Variants in AVPI1 observed in about 807,000 individuals in gnomAD.
AVPI1 encodes the protein arginine vasopressin-induced protein 1.
A neutral mutation model predicts 11.9 loss-of-function variants in AVPI1; 9 were observed. That is an observed-to-expected ratio of 0.76 (90% CI 0.46 to 1.32). The LOEUF (loss-of-function observed/expected upper bound fraction) is 1.32. AVPI1 is among the 40% of genes most tolerant of loss of function. AVPI1 has a pLI of 0.00. For missense variants in AVPI1, 207 were observed against 195.8 expected, an observed-to-expected ratio of 1.06 and a Z score of -0.34; for synonymous variants, 68 against 78.1, an observed-to-expected ratio of 0.87 and a Z score of 0.68.
chr10:97,681,707 C>G (rs1269371329), intron 1 of AVPI1, among the ~76,000 whole-genome samples: 1 of 143,812 alleles, frequency 7.0e-6, no homozygotes, highest in Non-Finnish European at 1.6e-5. Context: ...GAAACCCCGT[C>G]TCTACTAAAA....
Position 97,678,962 on chromosome 10 carries a change from T to TCA in AVPI1, c.287+656_287+657insTG, listed in dbSNP as rs756233781. On this transcript the variant is annotated intron_variant, in intron 2 of 2. Transcript: ENST00000370626. ...GTGTGTGTGTGTGTGTGTGTGTGTG[T>TCA]GTGTGTGTGTGTGTGTGTGTGTGTG... 1.6e-4 allele frequency among the ~76,000 whole-genome samples: 10 copies of TCA among 63,718 alleles called. No individual in the cohort carries two copies. The South Asian group carries it at 1.7e-3, about 11-fold the overall frequency. The allele number at this position is 63,718 out of a possible 152,430, so 41.8% of individuals were successfully genotyped here. A position where few individuals can be genotyped will look rare whatever the true frequency, so the allele number is the denominator to read the frequency against.
At chr10:97,680,933 A>G (rs1213489366) in intron 1 of AVPI1, among the ~76,000 whole-genome samples, 1 of 152,206 alleles carries the variant, frequency 6.6e-6, no homozygotes, top group Non-Finnish European at 1.5e-5. Flanking sequence ...CTCTGTGTCA[A>G]TGTCTCCCAT....
At chr10:97,681,263 A>G (rs532465090) in intron 1 of AVPI1, among the ~76,000 whole-genome samples, 86 of 152,364 alleles carry the variant, frequency 5.6e-4, no homozygotes, top group African/African-American at 1.7e-3. Context: ...CAGTTACCCA[A>G]TAAGAGGATA....
chr10:97,686,034 G>C (rs796176472), intron 1 of AVPI1, among the ~76,000 whole-genome samples: 66 of 152,300 alleles, frequency 4.3e-4, no homozygotes, highest in African/African-American at 1.6e-3. Flanking sequence ...TGTAATCCCA[G>C]CACTTTGGGA....
chr10:97,679,996 C>T (rs2041696324), intron 1 of AVPI1, 81 bp from the exon 2 acceptor site: 1 of 1,305,090 alleles, frequency 7.7e-7, no homozygotes, highest in African/African-American at 1.5e-5. Flanking sequence ...CCTAGGGCTT[C>T]TGATGTTTCC....
rs553651349 is a variant in AVPI1, at chr10:97,678,008, G to A, written c.305C>T (p.Ser102Phe). 4 of 1,614,028 alleles carry A rather than the reference G, an allele frequency of 2.5e-6. 1 individual carries two copies. The Admixed American group carries it at 5.0e-5, about 20-fold the overall frequency. ...CSRLRILEPHSALANPQSATE... is the reference protein window; with the variant it reads ...CSRLRILEPHFALANPQSATE... Reference sequence around the variant, plus strand: ...GGCACTCTGTGGGTTGGCCAGTGCAGAGTGGGGCTCCAGGATTCTGCAGAG... The same window carrying A: ...GGCACTCTGTGGGTTGGCCAGTGCAAAGTGGGGCTCCAGGATTCTGCAGAG... Residue 102 changes from serine (S) to phenylalanine (F), a missense_variant, in exon 3 of 3, where the codon TCT becomes TTT. Coordinates refer to ENST00000370626, the MANE Select transcript of AVPI1 (RefSeq NM_021732.3).
chr10:97,686,297 G>T (rs969941864), intron 1 of AVPI1, among the ~76,000 whole-genome samples: 1 of 152,150 alleles, frequency 6.6e-6, no homozygotes, highest in Non-Finnish European at 1.5e-5. Context: ...AGGGGCTATA[G>T]AATCATTGTC....
At chr10:97,686,659 T>G (rs2041731037) in intron 1 of AVPI1, 107 bp downstream of exon 1, 1 of 152,222 alleles carries the variant, frequency 6.6e-6, no homozygotes, top group African/African-American at 2.4e-5. Context: ...TATCTGCTTC[T>G]GTAGATTGTG....
chr10:97,678,709 C>T (rs758442156), intron 2 of AVPI1, among the ~76,000 whole-genome samples: 41 of 151,198 alleles, frequency 2.7e-4, no homozygotes, highest in Admixed American at 1.3e-3. Flanking sequence ...AAGAGAATCT[C>T]ACTCTGTCAC....
In AVPI1 at chr10:97,677,618, A is replaced by G; in HGVS notation, c.*251T>C. 2.2e-6 allele frequency: 1 copy of G among 447,426 alleles called. No homozygotes were observed. Among genetic ancestry groups the G allele is most frequent in the Non-Finnish European group, 4.0e-6 (1 of 247,576 alleles). The allele number at this position is 447,426 out of a possible 1,614,324, so 27.7% of individuals were successfully genotyped here. On this transcript the variant is annotated 3_prime_UTR_variant, in exon 3 of 3. Transcript: ENST00000370626. Reference sequence around the variant, plus strand: ...CAGGGGAATATCATGCAGCCCAGGAATAGTGTTAGACTGGGAAGGACTGTG... The same window carrying G: ...CAGGGGAATATCATGCAGCCCAGGAGTAGTGTTAGACTGGGAAGGACTGTG...
chr10:97,681,509 G>C (rs906119052), intron 1 of AVPI1, among the ~76,000 whole-genome samples: 3 of 151,558 alleles, frequency 2.0e-5, no homozygotes, highest in Non-Finnish European at 4.4e-5. Context: ...TTGAACCCAG[G>C]AGGCAGAGGT....
chr10:97,686,703 C>T (rs2041731491), intron 1 of AVPI1, 63 bp downstream of exon 1: 1 of 152,010 alleles, frequency 6.6e-6, no homozygotes, highest in South Asian at 2.1e-4. Context: ...GTCAGGACTC[C>T]CAAGCTAGCC....
chr10:97,684,479 C>G (rs2041719400), intron 1 of AVPI1, among the ~76,000 whole-genome samples: 1 of 149,698 alleles, frequency 6.7e-6, no homozygotes, highest in South Asian at 2.1e-4. Flanking sequence ...GATTTTGAGG[C>G]CCCTCACTCT....
At chr10:97,680,321 T>C (rs937921767) in intron 1 of AVPI1, among the ~76,000 whole-genome samples, 1 of 152,172 alleles carries the variant, frequency 6.6e-6, no homozygotes, top group African/African-American at 2.4e-5. Flanking sequence ...TGTAACAGCT[T>C]GCTTCACATA....
chr10:97,678,912 T>TTTTCAGAGACAGGATCTCGCC lies in AVPI1; in HGVS notation c.287+706_287+707insGGCGAGATCCTGTCTCTGAAA, dbSNP rs1564779812. On this transcript the variant is annotated intron_variant, in intron 2 of 2. Coordinates refer to ENST00000370626, the MANE Select transcript of AVPI1 (RefSeq NM_021732.3). Reference sequence around the variant, plus strand: ...GTGTGTGTGTGTGTGTGTGTGTGTGTGTGTGTGTGTGTGTGTGTGTGTGTG... The same window carrying TTTTCAGAGACAGGATCTCGCC: ...GTGTGTGTGTGTGTGTGTGTGTGTGTTTTCAGAGACAGGATCTCGCCGTGTGTGTGTGTGTGTGTGTGTGTG... 7.7e-3 allele frequency among the ~76,000 whole-genome samples: 77 copies of TTTTCAGAGACAGGATCTCGCC among 10,022 alleles called. 4 individuals carry two copies. Among genetic ancestry groups the TTTTCAGAGACAGGATCTCGCC allele is most frequent in the South Asian group, 0.027 (6 of 220 alleles). 6.6% of individuals were successfully genotyped at this position (10,022 alleles called of 152,430 possible). A position where few individuals can be genotyped will look rare whatever the true frequency, so the allele number is the denominator to read the frequency against.
rs765391611 is a variant in AVPI1, at chr10:97,679,709, C to T, written c.197G>A (p.Arg66His). 2.7e-5 allele frequency: 44 copies of T among 1,614,192 alleles called. No individual in the cohort carries two copies. Among genetic ancestry groups the T allele is most frequent in the East Asian group, 1.8e-4 (8 of 44,890 alleles). The stretch of plus-strand genomic sequence containing the variant: ...CAGCCTCTTGAGGGCCTCAGCCACA[C>T]GGTGGTCCCCTGCACATTCCCAGAT... Reference protein sequence around the residue: ...QIIWECAGDHRVAEALKRLRR... With the variant: ...QIIWECAGDHHVAEALKRLRR... Residue 66 changes from arginine (R) to histidine (H), a missense_variant, in exon 2 of 3, where the codon CGT becomes CAT. Arg to His is a conservative substitution (Grantham distance 29). Transcript: ENST00000370626.
At chr10:97,678,105 AC>A in intron 2 of AVPI1, 80 bp from the exon 3 acceptor site, 2 of 1,455,156 alleles carry the variant, frequency 1.4e-6, no homozygotes, top group Non-Finnish European at 1.9e-6. Flanking sequence ...GTCATGGTGG[AC>A]CATAAAACAT....
Position 97,677,697 on chromosome 10 carries a change from T to C in AVPI1, c.*172A>G. On this transcript the variant is annotated 3_prime_UTR_variant, in exon 3 of 3. Coordinates refer to ENST00000370626, the MANE Select transcript of AVPI1 (RefSeq NM_021732.3). ...TTGGTGAGGAATGGGTCCCACATAA[T>C]GGAGAGCTCAACAGAAGCATCCAGT... 5.6e-6 allele frequency: 4 copies of C among 709,520 alleles called. No homozygotes were observed. The highest frequency in any genetic ancestry group is 9.2e-6 in the Non-Finnish European group (4 of 437,092). The allele number at this position is 709,520 out of a possible 1,614,324, so 44.0% of individuals were successfully genotyped here.
intron 2 of AVPI1, 64 bp from the exon 3 acceptor site, chr10:97,678,089 GATT>G: frequency 6.5e-7 from 1 of 1,536,628 alleles, no homozygotes. Flanking sequence ...GACTTCAAGA[GATT>G]TCGTCATGGT....
Sources: gnomAD v4.1 joint callset for allele counts (sites outside exome capture counted in the v4.1 genomes callset) on GRCh38, gnomAD v4.1.1 for gene constraint, MANE v1.5 for transcripts, NCBI Gene and HGNC (gene_info 2026-07-23, HGNC 2026-07-21) for gene names.